The following PIWIL2 variants were observed in gnomAD, a reference collection of about 807,000 sequenced individuals.
PIWIL2 encodes piwi like RNA-mediated gene silencing 2.
A neutral mutation model predicts 116.5 loss-of-function variants in PIWIL2; 81 were observed. That is an observed-to-expected ratio of 0.70 (90% confidence interval 0.58 to 0.84). The LOEUF (loss-of-function observed/expected upper bound fraction) is 0.84. PIWIL2 is among the 40% of genes least tolerant of loss of function. PIWIL2 has a pLI of 0.00. For synonymous variants in PIWIL2, 489 were observed against 429.5 expected (o/e 1.14, Z -1.71); for missense variants, 1,272 against 1,212.3 (o/e 1.05, Z -0.73).
intron 19 of PIWIL2, among the ~76,000 whole-genome samples, chr8:22,317,956 C>T (rs1831503969): frequency 6.6e-6 from 1 of 151,798 alleles, no homozygotes; most frequent in Non-Finnish European, 1.5e-5. Flanking sequence ...CCACCGCGCT[C>T]TGCCACAATT....
At chr8:22,317,182 TC>T (rs1831480289) in intron 19 of PIWIL2, among the ~76,000 whole-genome samples, 2 of 152,270 alleles carry the variant, frequency 1.3e-5, no homozygotes, top group Non-Finnish European at 2.9e-5. Flanking sequence ...TTGGCATTTT[TC>T]CCCCAGAAAT....
intron 1 of PIWIL2, among the ~76,000 whole-genome samples, chr8:22,276,919 C>A (rs1386862195): frequency 4.0e-5 from 6 of 151,450 alleles, no homozygotes; most frequent in African/African-American, 1.5e-4. Flanking sequence ...AAAAAAAATT[C>A]TTTTCCGTTA....
chr8:22,316,416 G>T, intron 19 of PIWIL2, 83 bp downstream of exon 19: 19 of 849,656 alleles, frequency 2.2e-5, no homozygotes, highest in South Asian at 5.8e-5. Flanking sequence ...AATCTTTTTA[G>T]CATTATGTAT....
chr8:22,297,621 C>T lies in PIWIL2; in HGVS notation c.1182-6400C>T, dbSNP rs116138642. Among the ~76,000 whole-genome samples, 629 of 152,174 alleles carry T rather than the reference C, an allele frequency of 4.1e-3. 5 individuals carry two copies. The highest frequency in any genetic ancestry group is 0.015 in the African/African-American group (607 of 41,526). Reference sequence around the variant, plus strand: ...AGAACCAGTGCAATGGGCACAAGGACCCCTGCAGTGGGGATTTACAGTATG... The same window carrying T: ...AGAACCAGTGCAATGGGCACAAGGATCCCTGCAGTGGGGATTTACAGTATG... On this transcript the variant is annotated intron_variant, in intron 10 of 22. Coordinates refer to ENST00000356766, the MANE Select transcript of PIWIL2 (RefSeq NM_018068.5).
intron 20 of PIWIL2, among the ~76,000 whole-genome samples, chr8:22,340,974 A>G (rs2132095049): frequency 6.6e-6 from 1 of 152,176 alleles, no homozygotes; most frequent in East Asian, 1.9e-4. Flanking sequence ...TGCCCTCCCA[A>G]AGTGCTGGGG....
rs137881849 is a variant in PIWIL2 at position 22,355,788 on chromosome 8, T to A, written c.*283T>A. 4,382 of 387,070 alleles carry A rather than the reference T, an allele frequency of 0.011. 88 individuals carry two copies. Among genetic ancestry groups the A allele is most frequent in the South Asian group, 0.058 (1,838 of 31,526 alleles). The allele number at this position is 387,070 out of a possible 1,614,324, so 24.0% of individuals were successfully genotyped here. ...GTGACTCTGGGGGACCATTAAGACCTCCAGACCGGGTGCGGTGGTTCACAC... is the reference window on the plus strand; with the variant it reads ...GTGACTCTGGGGGACCATTAAGACCACCAGACCGGGTGCGGTGGTTCACAC... On this transcript the variant is annotated 3_prime_UTR_variant, in exon 23 of 23. Transcript: ENST00000356766.
chr8:22,332,506 G>A (rs2065407001), intron 20 of PIWIL2, among the ~76,000 whole-genome samples: 1 of 151,842 alleles, frequency 6.6e-6, no homozygotes, highest in Non-Finnish European at 1.5e-5. Context: ...ATCTCAAGCA[G>A]GATTTATAAA....
rs144281260 is a variant in PIWIL2 at position 22,354,346 on chromosome 8, C to T, written c.2733C>T (p.Asn911=). 165 of 1,612,640 alleles carry T rather than the reference C, an allele frequency of 1.0e-4. No individual in the cohort carries two copies. The highest frequency in any genetic ancestry group is 1.4e-4 in the Non-Finnish European group (164 of 1,178,828). ...GIPTHYVCVL[N]TANLSPDHMQ... ...CTACGCATTATGTCTGTGTTCTCAACACCGCAAACCTGAGCCCTGATCATA... is the reference window on the plus strand; with the variant it reads ...CTACGCATTATGTCTGTGTTCTCAATACCGCAAACCTGAGCCCTGATCATA... Residue 911 remains asparagine, a synonymous_variant, in exon 22 of 23, where the codon AAC becomes AAT. Transcript: ENST00000356766.
chr8:22,319,004 T>C (rs909703763), intron 20 of PIWIL2, among the ~76,000 whole-genome samples: 2 of 152,204 alleles, frequency 1.3e-5, no homozygotes, highest in African/African-American at 4.8e-5. Context: ...CCTCGAACTC[T>C]AAAGAATGCT....
intron 21 of PIWIL2, among the ~76,000 whole-genome samples, chr8:22,353,598 A>G (rs1832422998): frequency 6.6e-6 from 1 of 152,068 alleles, no homozygotes; most frequent in South Asian, 2.1e-4. Flanking sequence ...CAGTAAGTCC[A>G]CTGTAATCCA....
chr8:22,302,151 A>G (rs1347480420), intron 10 of PIWIL2, among the ~76,000 whole-genome samples: 1 of 151,908 alleles, frequency 6.6e-6, no homozygotes, highest in Non-Finnish European at 1.5e-5. Context: ...TCTGTTTAAT[A>G]CATTTTGGCA....
chr8:22,279,635 C>T (rs766311634), intron 2 of PIWIL2, 51 bp downstream of exon 2: 12 of 1,517,520 alleles, frequency 7.9e-6, no homozygotes, highest in Admixed American at 1.7e-5. Flanking sequence ...ACCTGTGTGC[C>T]GTCAGAGGAA....
intron 20 of PIWIL2, among the ~76,000 whole-genome samples, chr8:22,318,609 C>T (rs566095805): frequency 6.6e-5 from 10 of 152,240 alleles, no homozygotes; most frequent in East Asian, 1.9e-4. Flanking sequence ...TGAGCCACCG[C>T]GCCTGGCCAA....
In PIWIL2 at chr8:22,321,933, A is replaced by G. The variant is rs534844688; in HGVS notation, c.2403+3658A>G. The G allele has an allele frequency of 8.2e-5, 81 of 985,262 alleles. 1 individual carries two copies. The African/African-American group carries it at 1.4e-3, about 17-fold the overall frequency. The allele number at this position is 985,262 out of a possible 1,614,324, so 61.0% of individuals were successfully genotyped here. Reference sequence around the variant, plus strand: ...GCCCCATTTTGCATCACGGCTCGCTAGTCCAAAGCCCATTTTCTCCATTCT... The same window carrying G: ...GCCCCATTTTGCATCACGGCTCGCTGGTCCAAAGCCCATTTTCTCCATTCT... On this transcript the variant is annotated intron_variant, in intron 20 of 22. Coordinates refer to ENST00000356766, the MANE Select transcript of PIWIL2 (RefSeq NM_018068.5).
chr8:22,355,243 AG>A, intron 22 of PIWIL2, 105 bp from the exon 23 acceptor site: 1 of 1,043,192 alleles, frequency 9.6e-7, no homozygotes, highest in East Asian at 2.4e-5. Flanking sequence ...CCCAGTTTTC[AG>A]GAAGGTGTGC....
intron 14 of PIWIL2, among the ~76,000 whole-genome samples, chr8:22,309,077 T>G (rs2132039558): frequency 6.6e-6 from 1 of 152,218 alleles, no homozygotes; most frequent in Middle Eastern, 3.4e-3. Flanking sequence ...TTCTCCTGCC[T>G]CAGCTTCCCA....
In PIWIL2 at chr8:22,281,154, T is replaced by A; in HGVS notation, c.233T>A (p.Leu78Gln). 6.2e-7 allele frequency: 1 copy of A among 1,613,032 alleles called. No homozygotes were observed. Among genetic ancestry groups the A allele is most frequent in the Non-Finnish European group, 8.5e-7 (1 of 1,179,532 alleles). ...GGTTTGGTCTCCATGTTCCGAGGCC[T>A]GGGCATTGAAACAGTTTCTAAGACC... The part of the protein sequence containing the change: ...SVGLVSMFRG[L>Q]GIETVSKTPL... The change falls in exon 3 of 23, where the codon CTG becomes CAG. Residue 78 changes from leucine (L) to glutamine (Q), a missense_variant. Coordinates refer to ENST00000356766, the MANE Select transcript of PIWIL2 (RefSeq NM_018068.5).
Position 22,283,158 on chromosome 8 carries a change from C to T in PIWIL2, c.550C>T (p.Leu184=), listed in dbSNP as rs781610094. 2 of 1,614,204 alleles carry T rather than the reference C, an allele frequency of 1.2e-6. No individual in the cohort carries two copies. The stretch of plus-strand genomic sequence containing the variant: ...CACACCGTCCCGGGGTCCCCCGCAG[C>T]TGTCATCACCACCAGCTCTGCCCCA... ...FSTPSRGPPQ[L]SSPPALPQSP... The change falls in exon 5 of 23, where the codon CTG becomes TTG. Residue 184 remains leucine, a synonymous_variant. Coordinates refer to ENST00000356766, the MANE Select transcript of PIWIL2 (RefSeq NM_018068.5).
chr8:22,303,613 C>G (rs1458299384), intron 10 of PIWIL2, among the ~76,000 whole-genome samples: 3 of 152,110 alleles, frequency 2.0e-5, no homozygotes, highest in Non-Finnish European at 4.4e-5. Flanking sequence ...AGGCTGATGT[C>G]AATATCCTGG....
Sources: gnomAD v4.1 joint callset for allele counts (sites outside exome capture counted in the v4.1 genomes callset) on GRCh38, gnomAD v4.1.1 for gene constraint, MANE v1.5 for transcripts, NCBI Gene and HGNC (gene_info 2026-07-23, HGNC 2026-07-21) for gene names.